RASGRF2: variants seen among roughly 807,000 people sequenced by gnomAD.
The protein encoded by RASGRF2 is ras-specific guanine nucleotide-releasing factor 2.
A neutral mutation model predicts 151.0 loss-of-function variants in RASGRF2; 76 were observed. That is an observed-to-expected ratio of 0.50 (90% CI 0.42 to 0.61). RASGRF2 has a LOEUF of 0.61. Ranked by LOEUF, RASGRF2 falls within the 20% of genes least tolerant of loss-of-function variation. The pLI, the probability that RASGRF2 is intolerant of heterozygous loss-of-function variation, is 0.00. For synonymous variants in RASGRF2, 504 were observed against 566.5 expected (o/e 0.89, Z 1.57); for missense variants, 1,148 against 1,564.6 (o/e 0.73, Z 4.49).
intron 1 of RASGRF2, among the ~76,000 whole-genome samples, chr5:80,964,940 T>C (rs930853318): frequency 6.6e-6 from 1 of 152,086 alleles, no homozygotes; most frequent in South Asian, 2.1e-4. Flanking sequence ...AGAAGACACA[T>C]AGCAAAAAAG....
At chr5:80,974,927 C>A (rs1468602163) in intron 1 of RASGRF2, among the ~76,000 whole-genome samples, 1 of 152,000 alleles carries the variant, frequency 6.6e-6, no homozygotes, top group Non-Finnish European at 1.5e-5. Context: ...GGGGCACATT[C>A]TATTAATCCA....
At chr5:81,198,812 G>A (rs142333660) in intron 18 of RASGRF2, among the ~76,000 whole-genome samples, 57 of 152,304 alleles carry the variant, frequency 3.7e-4, no homozygotes, top group African/African-American at 9.9e-4. Flanking sequence ...CTAATGCACC[G>A]TTGATGGGCA....
chr5:81,227,514 A>G lies in RASGRF2; in HGVS notation c.*1744A>G, dbSNP rs952988626. The G allele has an allele frequency of 6.6e-6, 1 of 152,282 alleles. No homozygotes were observed. The highest frequency in any genetic ancestry group is 3.4e-3 in the Middle Eastern group (1 of 294). The allele number at this position is 152,282 out of a possible 1,614,324, so 9.4% of individuals were successfully genotyped here. On this transcript the variant is annotated 3_prime_UTR_variant, in exon 27 of 27. Transcript: ENST00000265080. The stretch of plus-strand genomic sequence containing the variant: ...GCTTGTTTGTTCTCTTTAGTTTCAA[A>G]TAAGAGGTTGACGCATCTTGATGCA...
chr5:81,118,197 G>C (rs570502518), intron 15 of RASGRF2, among the ~76,000 whole-genome samples: 1 of 152,220 alleles, frequency 6.6e-6, no homozygotes, highest in Non-Finnish European at 1.5e-5. Context: ...CCTGCAATAG[G>C]TCTCTGCCTG....
At chr5:81,218,031 C>T (rs937779550) in intron 25 of RASGRF2, among the ~76,000 whole-genome samples, 11 of 152,158 alleles carry the variant, frequency 7.2e-5, no homozygotes, top group African/African-American at 2.6e-4. Context: ...AGTGAGCTAC[C>T]GCACCTGGCG....
At position 81,147,683 on chromosome 5, in the gene RASGRF2, C is replaced by T. The variant is rs377689832; in HGVS notation, c.2686+20520C>T. ...TACTGGATCATCAGCTGTAAAGGCT[C>T]TATGTTTAATTATGTCTAGCATTTG... On this transcript the variant is annotated intron_variant, in intron 17 of 26. Coordinates refer to ENST00000265080, the MANE Select transcript of RASGRF2 (RefSeq NM_006909.3). Among the ~76,000 whole-genome samples the T allele has an allele frequency of 5.3e-5, 8 of 152,186 alleles. No individual in the cohort carries two copies. The East Asian group carries it at 1.3e-3, about 26-fold the overall frequency.
intron 17 of RASGRF2, among the ~76,000 whole-genome samples, chr5:81,150,661 C>T (rs1754113500): frequency 6.6e-6 from 1 of 152,160 alleles, no homozygotes. Context: ...TACACACACA[C>T]AAGCACACGA....
At chr5:81,216,421 A>G (rs139902565) in intron 24 of RASGRF2, among the ~76,000 whole-genome samples, 1 of 151,886 alleles carries the variant, frequency 6.6e-6, no homozygotes, top group African/African-American at 2.4e-5. Context: ...AGAGTTTGAG[A>G]TTCTCCTGCA....
At chr5:80,969,654 T>C (rs1747853783) in intron 1 of RASGRF2, among the ~76,000 whole-genome samples, 2 of 150,804 alleles carry the variant, frequency 1.3e-5, no homozygotes, top group African/African-American at 2.4e-5. Flanking sequence ...GGTTTCACCG[T>C]GTTAGCCAGG....
intron 1 of RASGRF2, among the ~76,000 whole-genome samples, chr5:81,010,558 T>C (rs1429699252): frequency 6.6e-6 from 1 of 152,214 alleles, no homozygotes; most frequent in African/African-American, 2.4e-5. Flanking sequence ...AAGTTCTAGG[T>C]AGTGCACATG....
At chr5:80,986,469 A>G (rs1325195626) in intron 1 of RASGRF2, among the ~76,000 whole-genome samples, 1 of 152,340 alleles carries the variant, frequency 6.6e-6, no homozygotes, top group South Asian at 2.1e-4. Context: ...TCTAACTACC[A>G]GTACAGGTAT....
intron 7 of RASGRF2, among the ~76,000 whole-genome samples, chr5:81,081,280 G>A (rs1752078191): frequency 6.6e-6 from 1 of 152,096 alleles, no homozygotes; most frequent in South Asian, 2.1e-4. Context: ...TGGAGCCCTG[G>A]AGAACAAAAG....
chr5:81,191,119 C>T (rs1296832089), intron 18 of RASGRF2, among the ~76,000 whole-genome samples: 2 of 152,150 alleles, frequency 1.3e-5, no homozygotes, highest in East Asian at 1.9e-4. Flanking sequence ...TTGTTTGATC[C>T]GACCAGGCCT....
Position 81,099,639 on chromosome 5 carries a change from T to C in RASGRF2, c.1755+4647T>C, listed in dbSNP as rs73766190. Among the ~76,000 whole-genome samples the C allele has an allele frequency of 4.2e-3, 639 of 152,342 alleles. 7 individuals carry two copies. Among genetic ancestry groups the C allele is most frequent in the African/African-American group, 0.015 (611 of 41,586 alleles). ...GGTATCTATGTAACTCTCTTCTAAG[T>C]CTTGCCAATGTTAAATTTGTCACAT... On this transcript the variant is annotated intron_variant, in intron 12 of 26. Transcript: ENST00000265080.
chr5:81,086,638 A>C (rs1359586341), intron 8 of RASGRF2, among the ~76,000 whole-genome samples, 197 bp from the exon 9 acceptor site: 1 of 152,162 alleles, frequency 6.6e-6, no homozygotes, highest in Non-Finnish European at 1.5e-5. Context: ...TTTACTGTTT[A>C]GAATTATGAG....
At chr5:81,141,760 G>A (rs1232987624) in intron 17 of RASGRF2, among the ~76,000 whole-genome samples, 2 of 152,196 alleles carry the variant, frequency 1.3e-5, no homozygotes, top group African/African-American at 2.4e-5. Context: ...GAGCCTGGGG[G>A]AAATTAGTAG....
intron 1 of RASGRF2, among the ~76,000 whole-genome samples, chr5:80,983,549 A>G (rs1748381102): frequency 6.6e-6 from 1 of 152,256 alleles, no homozygotes; most frequent in Admixed American, 6.5e-5. Flanking sequence ...AAGTACCTAC[A>G]GAATATCTTT....
At chr5:81,008,105 G>GATGGTTTC (rs1452265378) in intron 1 of RASGRF2, among the ~76,000 whole-genome samples, 22 of 144,650 alleles carry the variant, frequency 1.5e-4, no homozygotes. Flanking sequence ...AGTGGATGAT[G>GATGGTTTC]ATGGTTTCAG....
chr5:81,035,523 A>C (rs1447024148), intron 1 of RASGRF2, among the ~76,000 whole-genome samples: 2 of 152,114 alleles, frequency 1.3e-5, no homozygotes, highest in African/African-American at 4.8e-5. Flanking sequence ...ATGACAAGTT[A>C]ATGGGTGCAG....
Sources: allele counts gnomAD v4.1 joint callset (sites outside exome capture counted in the v4.1 genomes callset), GRCh38; gene constraint gnomAD v4.1.1; transcripts MANE v1.5; gene names NCBI Gene and HGNC (gene_info 2026-07-23, HGNC 2026-07-21).